Variants in ADGRF5 observed in about 807,000 individuals in gnomAD.
ADGRF5 encodes G-protein coupled receptor 116.
ADGRF5 carries 75 observed loss-of-function variants against 132.3 expected under a neutral mutation model. That is an observed-to-expected ratio of 0.57 (90% CI 0.47 to 0.69). ADGRF5 has a LOEUF of 0.69. Ranked by LOEUF, ADGRF5 falls within the 30% of genes least tolerant of loss-of-function variation. The pLI is 0.00. For missense variants in ADGRF5, 1,516 were observed against 1,630.6 expected (o/e 0.93, Z 1.21); for synonymous variants, 629 against 597.6 (o/e 1.05, Z -0.77).
chr6:46,875,901 T>C (rs926427398), intron 10 of ADGRF5, among the ~76,000 whole-genome samples: 1 of 152,272 alleles, frequency 6.6e-6, no homozygotes, highest in Non-Finnish European at 1.5e-5. Context: ...CCTTCACTTT[T>C]TTCCCATGTG....
At chr6:46,870,635 A>G (rs746530228) in intron 11 of ADGRF5, among the ~76,000 whole-genome samples, 1 of 152,098 alleles carries the variant, frequency 6.6e-6, no homozygotes, top group African/African-American at 2.4e-5. Flanking sequence ...AGGCTTAGCT[A>G]TTTCTTTGAG....
At chr6:46,854,612 A>G (rs475991) in intron 20 of ADGRF5, 543,523 of 602,924 alleles carry the variant, frequency 0.9, 248,100 homozygotes, top group East Asian at 0.99. Flanking sequence ...AGGCAGCCTC[A>G]GAGCAACTGC....
At chr6:46,875,719 G>A (rs993294084) in intron 10 of ADGRF5, among the ~76,000 whole-genome samples, 3 of 152,202 alleles carry the variant, frequency 2.0e-5, no homozygotes, top group Non-Finnish European at 4.4e-5. Context: ...GGAGGTTGCA[G>A]TGAGTCGAGA....
intron 3 of ADGRF5, among the ~76,000 whole-genome samples, chr6:46,899,222 T>C (rs933479652): frequency 2.0e-5 from 3 of 151,874 alleles, no homozygotes; most frequent in Non-Finnish European, 4.4e-5. Flanking sequence ...GGCAGGGTGT[T>C]GATGACGTGA....
chr6:46,888,237 G>T lies in ADGRF5; in HGVS notation c.328+98C>A. ...TCCGTCTCGGTGAGTCATTTCACTT[G>T]CCTACTAAGTAAAAGATTGCTCTGA... On this transcript the variant is annotated intron_variant, in intron 4 of 20. Coordinates refer to ENST00000283296, the MANE Select transcript of ADGRF5 (RefSeq NM_001098518.2). The T allele has an allele frequency of 4.9e-6, 4 of 818,816 alleles. No homozygotes were observed. The African/African-American group carries it at 5.1e-5, about 10-fold the overall frequency. 50.7% of individuals were successfully genotyped at this position (818,816 alleles called of 1,614,324 possible).
chr6:46,897,079 TAC>T (rs151074761), intron 3 of ADGRF5, among the ~76,000 whole-genome samples: 28 of 148,878 alleles, frequency 1.9e-4, no homozygotes, highest in East Asian at 7.9e-4. Context: ...GACAACAGTA[TAC>T]ACACACACAC....
chr6:46,869,481 C>T (rs1770815947), intron 11 of ADGRF5: 1 of 491,800 alleles, frequency 2.0e-6, no homozygotes. Context: ...GTTCCTCTAA[C>T]AATCTCAATC....
upstream of ADGRF5, among the ~76,000 whole-genome samples, chr6:46,926,321 C>T (rs187509151): frequency 2.0e-4 from 30 of 152,292 alleles, no homozygotes; most frequent in Admixed American, 1.3e-3. Context: ...CAACTGGACA[C>T]AGTTGACAGC....
chr6:46,871,794 T>C (rs1222286031), intron 11 of ADGRF5, 49 bp downstream of exon 11: 4 of 1,314,190 alleles, frequency 3.0e-6, no homozygotes, highest in Admixed American at 1.9e-5. Context: ...GCAGCACTTA[T>C]TTAAGGTGGA....
upstream of ADGRF5, among the ~76,000 whole-genome samples, chr6:46,923,772 A>C (rs942575189): frequency 4.6e-5 from 7 of 152,176 alleles, no homozygotes; most frequent in Non-Finnish European, 7.3e-5. Flanking sequence ...CATTACAATG[A>C]AAACAAAAGC....
At chr6:46,948,921 A>G (rs1360603361) in intron 1 of ADGRF5, among the ~76,000 whole-genome samples, 1 of 152,200 alleles carries the variant, frequency 6.6e-6, no homozygotes, top group Non-Finnish European at 1.5e-5. Flanking sequence ...TGCTACAACA[A>G]TGGGCGGAAA....
At chr6:46,871,526 T>C (rs1334539663) in intron 11 of ADGRF5, among the ~76,000 whole-genome samples, 2 of 152,122 alleles carry the variant, frequency 1.3e-5, no homozygotes, top group South Asian at 4.1e-4. Context: ...ACACCTTCAA[T>C]GATAATAGGG....
rs1771099275 is a variant in ADGRF5 at position 46,871,891 on chromosome 6, A to G, written c.1363T>C (p.Tyr455His). ...ATGTTTGCACTGCCTCTGGCTCCAT[A>G]GGCACTGATGAACTCACAAGTGTAG... Reference protein sequence around the residue: ...VIYTCEFISAYGARGSANIKV... With the variant: ...VIYTCEFISAHGARGSANIKV... The change falls in exon 11 of 21, where the codon TAT becomes CAT. Residue 455 changes from tyrosine (Y) to histidine (H), a missense_variant. Tyr to His is a moderately conservative substitution (Grantham distance 83). Transcript: ENST00000283296. 15 of 1,611,550 alleles carry G rather than the reference A, an allele frequency of 9.3e-6. No individual in the cohort carries two copies. The highest frequency in any genetic ancestry group is 1.3e-5 in the Non-Finnish European group (15 of 1,178,226).
intron 1 of ADGRF5, among the ~76,000 whole-genome samples, chr6:46,949,771 A>G (rs1372345244): frequency 1.3e-5 from 2 of 152,322 alleles, no homozygotes; most frequent in Non-Finnish European, 2.9e-5. Flanking sequence ...GAAAATGTAC[A>G]GAAATGTGGC....
intron 2 of ADGRF5, among the ~76,000 whole-genome samples, chr6:46,900,999 T>C (rs1042512597): frequency 6.6e-6 from 1 of 152,148 alleles, no homozygotes; most frequent in Non-Finnish European, 1.5e-5. Context: ...CTCAGAACTT[T>C]GATGCGAGGA....
intron 6 of ADGRF5, among the ~76,000 whole-genome samples, chr6:46,882,609 AG>A (rs539349228): frequency 2.1e-4 from 32 of 152,286 alleles, no homozygotes; most frequent in Non-Finnish European, 3.2e-4. Flanking sequence ...GAGGTTTGTG[AG>A]GGGCACCCTC....
intron 1 of ADGRF5, among the ~76,000 whole-genome samples, chr6:46,928,975 A>C (rs1777396442): frequency 6.6e-6 from 1 of 152,200 alleles, no homozygotes; most frequent in Non-Finnish European, 1.5e-5. Context: ...CATTTGACCC[A>C]GCCATCCCAT....
intron 19 of ADGRF5, 30 bp from the exon 20 acceptor site, chr6:46,856,088 A>C: frequency 7.6e-7 from 1 of 1,317,712 alleles, no homozygotes; most frequent in Non-Finnish European, 1.1e-6. Context: ...GGACAATCAC[A>C]AAGCAAATTT....
At chr6:46,860,233 C>T (rs1769581143) in intron 16 of ADGRF5, among the ~76,000 whole-genome samples, 1 of 152,086 alleles carries the variant, frequency 6.6e-6, no homozygotes, top group Non-Finnish European at 1.5e-5. Context: ...GCCTCATCAC[C>T]CCTGGTTTAT....
Sources: gnomAD v4.1 joint callset for allele counts (sites outside exome capture counted in the v4.1 genomes callset) on GRCh38, gnomAD v4.1.1 for gene constraint, MANE v1.5 for transcripts, NCBI Gene and HGNC (gene_info 2026-07-23, HGNC 2026-07-21) for gene names.